The following OSBP2 variants were observed in gnomAD, a reference collection of about 807,000 sequenced individuals.
OSBP2 encodes the protein oxysterol binding protein 2.
In OSBP2, 66 loss-of-function variants were observed where a neutral mutation model predicts 96.0. The observed-to-expected ratio is 0.69, with a 90% CI of 0.56 to 0.84. OSBP2 has a LOEUF of 0.84. Ranked by LOEUF, OSBP2 falls within the 40% of genes least tolerant of loss-of-function variation. OSBP2 has a pLI of 0.00. For synonymous variants in OSBP2, 525 were observed against 520.9 expected, an observed-to-expected ratio of 1.01 and a Z score of -0.11; for missense variants, 1,038 against 1,222.7, an observed-to-expected ratio of 0.85 and a Z score of 2.25.
At chr22:30,828,146 G>C (rs2038442996) in intron 2 of OSBP2, among the ~76,000 whole-genome samples, 1 of 152,206 alleles carries the variant, frequency 6.6e-6, no homozygotes, top group Non-Finnish European at 1.5e-5. Context: ...GGGATTCCTT[G>C]TCATTAGAAA....
intron 8 of OSBP2, among the ~76,000 whole-genome samples, chr22:30,891,470 T>C (rs544066130): frequency 6.6e-6 from 1 of 152,294 alleles, no homozygotes; most frequent in Non-Finnish European, 1.5e-5. Context: ...ATGCTGAACC[T>C]GGGCGTCCTG....
intron 1 of OSBP2, among the ~76,000 whole-genome samples, chr22:30,715,917 C>A (rs1235411058): frequency 1.3e-5 from 2 of 148,706 alleles, no homozygotes; most frequent in Non-Finnish European, 3.0e-5. Flanking sequence ...GTCTCGAATT[C>A]CTGGGCTCAA....
chr22:30,861,832 C>A (rs1057441883), intron 2 of OSBP2, among the ~76,000 whole-genome samples: 2 of 152,214 alleles, frequency 1.3e-5, no homozygotes, highest in African/African-American at 4.8e-5. Flanking sequence ...GCCCTCGCCG[C>A]TTCTATCTCC....
intron 1 of OSBP2, among the ~76,000 whole-genome samples, chr22:30,716,098 A>G (rs1364931635): frequency 6.7e-6 from 1 of 149,438 alleles, no homozygotes; most frequent in Non-Finnish European, 1.5e-5. Flanking sequence ...CTGGAGTGCA[A>G]TGGCATGGTC....
intron 1 of OSBP2, among the ~76,000 whole-genome samples, chr22:30,720,456 G>A (rs868140939): frequency 9.9e-5 from 15 of 152,146 alleles, no homozygotes; most frequent in African/African-American, 3.1e-4. Context: ...CCAAAGGGCC[G>A]CTCGAGTGTC....
At chr22:30,905,134 C>CTTTTTTTTTT (rs566334052) in intron 12 of OSBP2, among the ~76,000 whole-genome samples, 1 of 68,704 alleles carries the variant, frequency 1.5e-5, no homozygotes, top group East Asian at 4.0e-4. Flanking sequence ...CGAGACCCGT[C>CTTTTTTTTTT]TTTTTTTTTT....
chr22:30,779,443 G>C (rs2090484279), intron 2 of OSBP2, among the ~76,000 whole-genome samples: 1 of 152,046 alleles, frequency 6.6e-6, no homozygotes. Context: ...TATACATAAA[G>C]TGTAAGTCAA....
chr22:30,893,403 G>A, intron 9 of OSBP2, 60 bp from the exon 10 acceptor site: 1 of 1,556,746 alleles, frequency 6.4e-7, no homozygotes, highest in Non-Finnish European at 8.9e-7. Context: ...AGGCCTAAGG[G>A]CAGACTGGCC....
At chr22:30,862,583 G>A (rs1179028231) in intron 2 of OSBP2, among the ~76,000 whole-genome samples, 1 of 152,178 alleles carries the variant, frequency 6.6e-6, no homozygotes, top group Non-Finnish European at 1.5e-5. Context: ...GGGAGGCTGA[G>A]GCAGGAGACT....
rs541235071 is a variant in OSBP2, at chr22:30,810,591, A to G, written c.854-59838A>G. Among the ~76,000 whole-genome samples the G allele has an allele frequency of 3.9e-5, 6 of 152,226 alleles. No individual in the cohort carries two copies. The East Asian group carries it at 1.2e-3, about 29-fold the overall frequency. On this transcript the variant is annotated intron_variant, in intron 2 of 13. Coordinates refer to ENST00000332585, the MANE Select transcript of OSBP2 (RefSeq NM_030758.4). ...GCCGGAAGCCTGGCTGCAGAGGGTG[A>G]GGTGAGGCCTGCAGCCTGGCCAGAA...
At chr22:30,872,606 A>G (rs1569159600) in intron 3 of OSBP2, 2 of 354,098 alleles carry the variant, frequency 5.6e-6, no homozygotes, top group Non-Finnish European at 1.1e-5. Context: ...GCCCTGAGTG[A>G]CGGAAGCTGT....
intron 2 of OSBP2, among the ~76,000 whole-genome samples, chr22:30,801,335 T>C (rs1191167613): frequency 2.6e-5 from 4 of 152,228 alleles, no homozygotes; most frequent in African/African-American, 7.2e-5. Flanking sequence ...GTTTTGTTTA[T>C]TTTTTTAAGG....
intron 2 of OSBP2, among the ~76,000 whole-genome samples, chr22:30,808,131 G>A (rs2145852434): frequency 6.6e-6 from 1 of 152,308 alleles, no homozygotes; most frequent in South Asian, 2.1e-4. Flanking sequence ...TGGGGCAGCA[G>A]TAGTGCTAAA....
intron 1 of OSBP2, among the ~76,000 whole-genome samples, chr22:30,700,337 A>T (rs1003958038): frequency 3.3e-5 from 5 of 152,152 alleles, no homozygotes; most frequent in African/African-American, 1.2e-4. Context: ...CAAGGAGAAT[A>T]TAGGAATATG....
chr22:30,902,227 A>G (rs2040229346), intron 12 of OSBP2: 3 of 1,478,402 alleles, frequency 2.0e-6, no homozygotes, highest in African/African-American at 2.8e-5. Context: ...CCCCACACAC[A>G]GCATATGTAG....
chr22:30,782,128 A>G (rs557924850), intron 2 of OSBP2, among the ~76,000 whole-genome samples: 25 of 152,240 alleles, frequency 1.6e-4, no homozygotes, highest in Non-Finnish European at 3.5e-4. Flanking sequence ...CCACGGCGGC[A>G]GAGTGAGACT....
chr22:30,753,020 T>A (rs994464361), intron 2 of OSBP2, among the ~76,000 whole-genome samples: 4 of 152,164 alleles, frequency 2.6e-5, no homozygotes, highest in African/African-American at 9.7e-5. Flanking sequence ...CTACTTTTTT[T>A]AGGTTAACTT....
chr22:30,900,584 T>G (rs1042080879), intron 12 of OSBP2, among the ~76,000 whole-genome samples: 1 of 151,974 alleles, frequency 6.6e-6, no homozygotes, highest in African/African-American at 2.4e-5. Flanking sequence ...GATTTTTATT[T>G]TGAAACTCTA....
chr22:30,748,858 G>C (rs972317828), intron 2 of OSBP2, among the ~76,000 whole-genome samples: 10 of 152,350 alleles, frequency 6.6e-5, no homozygotes, highest in Non-Finnish European at 1.2e-4. Flanking sequence ...GCTCATGCCT[G>C]TAATCCCAGC....
Sources: allele counts gnomAD v4.1 joint callset (sites outside exome capture counted in the v4.1 genomes callset), GRCh38; gene constraint gnomAD v4.1.1; transcripts MANE v1.5; gene names NCBI Gene and HGNC (gene_info 2026-07-23, HGNC 2026-07-21).